The following PPP1R13B variants were observed in gnomAD, a reference collection of about 807,000 sequenced individuals.
PPP1R13B encodes the protein apoptosis-stimulating of p53 protein 1.
Under a neutral mutation model 119.8 loss-of-function variants are expected in PPP1R13B, and 44 were observed. The ratio of observed to expected loss-of-function variants is 0.37; its 90% CI spans 0.29 to 0.47. The LOEUF is 0.47. Ranked by LOEUF, PPP1R13B falls within the 20% of genes least tolerant of loss-of-function variation. The pLI, the probability that PPP1R13B is intolerant of heterozygous loss-of-function variation, is 0.99. For missense variants in PPP1R13B, 1,227 were observed against 1,413.5 expected, an observed-to-expected ratio of 0.87 and a Z score of 2.12; for synonymous variants, 542 against 561.5, an observed-to-expected ratio of 0.97 and a Z score of 0.49.
intron 2 of PPP1R13B, among the ~76,000 whole-genome samples, chr14:103,786,651 G>C (rs911565168): frequency 6.6e-6 from 1 of 151,212 alleles, no homozygotes; most frequent in Non-Finnish European, 1.5e-5. Context: ...TGTAGTCCCA[G>C]CTACTCAGGA....
At chr14:103,823,477 G>A (rs1567151924) in intron 1 of PPP1R13B, among the ~76,000 whole-genome samples, 1 of 152,126 alleles carries the variant, frequency 6.6e-6, no homozygotes, top group Non-Finnish European at 1.5e-5. Flanking sequence ...CATACGACTT[G>A]CACACTGGAC....
At chr14:103,735,883 AG>A in intron 16 of PPP1R13B, 119 bp downstream of exon 16, 1 of 1,125,556 alleles carries the variant, frequency 8.9e-7, no homozygotes, top group South Asian at 1.5e-5. Flanking sequence ...CCCTCTACAG[AG>A]GGGGCTGCTG....
intron 4 of PPP1R13B, among the ~76,000 whole-genome samples, chr14:103,762,312 T>C (rs935703033): frequency 3.9e-5 from 6 of 152,162 alleles, no homozygotes; most frequent in Non-Finnish European, 7.3e-5. Context: ...CTAGTGGATT[T>C]TGTCAGCAAT....
Position 103,740,266 on chromosome 14 carries a change from G to C in PPP1R13B, c.2150C>G (p.Pro717Arg). The C allele has an allele frequency of 6.2e-7, 1 of 1,601,324 alleles. No individual in the cohort carries two copies. The highest frequency in any genetic ancestry group is 1.7e-5 in the Admixed American group (1 of 58,178). The change falls in exon 12 of 17, where the codon CCC (proline) becomes CGC (arginine). Residue 717 changes from proline (P) to arginine (R), a missense_variant. Pro to Arg is a moderately radical substitution (Grantham distance 103). Coordinates refer to ENST00000202556, the MANE Select transcript of PPP1R13B (RefSeq NM_015316.3). This position sits in a 1 kb window ranked among gnomAD's most constrained non-coding sequence, Gnocchi z 4.6. ...CAGCTTCTGGATGTTGGGCCCGCCGGGGCCCTCGGGCTCTGTGATGGAGCT... is the reference window on the plus strand; with the variant it reads ...CAGCTTCTGGATGTTGGGCCCGCCGCGGCCCTCGGGCTCTGTGATGGAGCT... ...KRSSITEPEG[P>R]GGPNIQKLLY...
intron 11 of PPP1R13B, among the ~76,000 whole-genome samples, chr14:103,741,525 G>T (rs568393343): frequency 1.3e-5 from 2 of 152,120 alleles, no homozygotes; most frequent in South Asian, 4.1e-4. Flanking sequence ...CACCCTTCCC[G>T]GAGCTGGATT....
chr14:103,833,436 G>A (rs1277086463), intron 1 of PPP1R13B, among the ~76,000 whole-genome samples: 2 of 152,040 alleles, frequency 1.3e-5, no homozygotes, highest in Non-Finnish European at 2.9e-5. Context: ...CTGAGGTCAG[G>A]AGTTTAAGAC....
chr14:103,833,263 C>T (rs990072835), intron 1 of PPP1R13B, among the ~76,000 whole-genome samples: 9 of 152,166 alleles, frequency 5.9e-5, no homozygotes, highest in Non-Finnish European at 1.0e-4. Context: ...AGCCTCATCC[C>T]CTTCCTCTTA....
Position 103,738,926 on chromosome 14 carries a change from A to G in PPP1R13B, c.2690T>C (p.Leu897Pro). 1 of 1,614,068 alleles carries G rather than the reference A, an allele frequency of 6.2e-7. No individual in the cohort carries two copies. The highest frequency in any genetic ancestry group is 8.5e-7 in the Non-Finnish European group (1 of 1,180,012). The change falls in exon 13 of 17, where the codon CTG (leucine) becomes CCG (proline). Residue 897 changes from leucine to proline, a missense_variant. Leu to Pro is a moderately conservative substitution (Grantham distance 98, BLOSUM62 -3). Transcript: ENST00000202556. The surrounding 1 kb of genome is among the most constrained non-coding windows in gnomAD (Gnocchi z 5.6). ...NPLALLLDASLEGEFDLVQRI... is the reference protein window; with the variant it reads ...NPLALLLDASPEGEFDLVQRI... ...CTGCACCAGATCGAACTCTCCTTCC[A>G]GAGACGCGTCTAGGAGCAGTGCCAG...
chr14:103,805,196 T>G (rs946444641), intron 1 of PPP1R13B, among the ~76,000 whole-genome samples: 4 of 152,092 alleles, frequency 2.6e-5, no homozygotes, highest in Non-Finnish European at 1.5e-5. Context: ...CCTAGGTACC[T>G]ACCCTGGGGA....
intron 1 of PPP1R13B, among the ~76,000 whole-genome samples, chr14:103,799,025 A>G (rs946918356): frequency 6.6e-6 from 1 of 150,612 alleles, no homozygotes; most frequent in Admixed American, 6.6e-5. Flanking sequence ...CTTGAGACAG[A>G]GTCCCACTCT....
chr14:103,799,379 C>G lies in PPP1R13B; in HGVS notation c.10-1861G>C, dbSNP rs183538376. On this transcript the variant is annotated intron_variant, in intron 1 of 16. Coordinates refer to ENST00000202556, the MANE Select transcript of PPP1R13B (RefSeq NM_015316.3). The stretch of plus-strand genomic sequence containing the variant: ...ATTTTCAGTAGAGACGGGGTTTCAC[C>G]GTGTTAGCCAGGCTGGTCTTGAACT... 2.3e-3 allele frequency among the ~76,000 whole-genome samples: 347 copies of G among 152,000 alleles called. 1 individual carries two copies. The highest frequency in any genetic ancestry group is 8.0e-3 in the African/African-American group (332 of 41,464).
upstream of PPP1R13B, among the ~76,000 whole-genome samples, chr14:103,848,721 G>C (rs1451581981): frequency 2.0e-5 from 3 of 152,242 alleles, no homozygotes; most frequent in Non-Finnish European, 4.4e-5. Context: ...AGTGGGGGCA[G>C]AGCAAGGGAG....
chr14:103,838,608 C>T lies in PPP1R13B; in HGVS notation c.9+8691G>A, dbSNP rs553682087. Reference sequence around the variant, plus strand: ...AGCACATGAATTATACCATATCCCCCTCCCCAGAAAAAGACACGGCAGGGT... The same window carrying T: ...AGCACATGAATTATACCATATCCCCTTCCCCAGAAAAAGACACGGCAGGGT... On this transcript the variant is annotated intron_variant, in intron 1 of 16. Transcript: ENST00000202556. 2.4e-4 allele frequency among the ~76,000 whole-genome samples: 36 copies of T among 152,296 alleles called. No homozygotes were observed. In the South Asian group the frequency reaches 5.2e-3, roughly 22 times the overall value.
intron 1 of PPP1R13B, among the ~76,000 whole-genome samples, chr14:103,805,388 TAAC>T (rs989876127): frequency 7.2e-5 from 11 of 151,782 alleles, no homozygotes; most frequent in Admixed American, 5.9e-4. Context: ...CTGGGAAACA[TAAC>T]AAAACCCCGC....
Position 103,742,319 on chromosome 14 carries a change from A to G in PPP1R13B, c.1321-28T>C. ...AAGTTTAGGTGTTAAGAAGAAAAACAAAGTCACCCTTTGAACAGTTAAGAA... is the reference window on the plus strand; with the variant it reads ...AAGTTTAGGTGTTAAGAAGAAAAACGAAGTCACCCTTTGAACAGTTAAGAA... On this transcript the variant is annotated intron_variant, in intron 10 of 16. Coordinates refer to ENST00000202556, the MANE Select transcript of PPP1R13B (RefSeq NM_015316.3). This position sits in a 1 kb window ranked among gnomAD's most constrained non-coding sequence, Gnocchi z 4.9. 2 of 1,516,758 alleles carry G rather than the reference A, an allele frequency of 1.3e-6. No individual in the cohort carries two copies. The highest frequency in any genetic ancestry group is 2.3e-5 in the East Asian group (1 of 44,062). The allele number at this position is 1,516,758 out of a possible 1,614,324, so 94.0% of individuals were successfully genotyped here.
chr14:103,757,605 A>C, intron 5 of PPP1R13B, 45 bp downstream of exon 5: 1 of 1,556,444 alleles, frequency 6.4e-7, no homozygotes. Flanking sequence ...TGGTTAAAGA[A>C]GGTACTTTTT....
rs187978445 is a variant in PPP1R13B, at chr14:103,745,918, G to A, written c.1150+455C>T. Among the ~76,000 whole-genome samples the A allele has an allele frequency of 4.3e-3, 658 of 152,218 alleles. 5 individuals carry two copies. The highest frequency in any genetic ancestry group is 7.2e-3 in the Non-Finnish European group (491 of 68,022). On this transcript the variant is annotated intron_variant, in intron 9 of 16. Transcript: ENST00000202556. ...CCTCCCAGGTTCAAGTGATTCTCCC[G>A]CTTCAGCCTCCTGAGTAGCTGGGAT...
chr14:103,790,637 G>A (rs868683484), intron 2 of PPP1R13B, among the ~76,000 whole-genome samples: 6 of 152,034 alleles, frequency 3.9e-5, no homozygotes, highest in South Asian at 2.1e-4. Context: ...AACTAGCCTG[G>A]GAGGTGGAGG....
intron 1 of PPP1R13B, among the ~76,000 whole-genome samples, chr14:103,842,664 G>C (rs995755680): frequency 2.0e-5 from 3 of 151,620 alleles, no homozygotes; most frequent in African/African-American, 7.3e-5. Context: ...TTGACTCGTC[G>C]ATACTCTTTT....
Sources: allele counts gnomAD v4.1 joint callset (sites outside exome capture counted in the v4.1 genomes callset), GRCh38; gene constraint gnomAD v4.1.1; non-coding constraint Gnocchi (gnomAD v3.1); transcripts MANE v1.5; gene names NCBI Gene and HGNC (gene_info 2026-07-23, HGNC 2026-07-21).